Variants in TSPEAR observed in about 807,000 individuals in gnomAD.
The protein encoded by TSPEAR is thrombospondin-type laminin G domain and EAR repeat-containing protein.
A neutral mutation model predicts 71.6 loss-of-function variants in TSPEAR; 69 were observed. The observed-to-expected ratio is 0.96, with a 90% CI of 0.79 to 1.18. The LOEUF is 1.18. Ranked by LOEUF, TSPEAR falls within the 50% of genes most tolerant of loss-of-function variation. TSPEAR has a pLI of 0.00. For missense variants in TSPEAR, 971 were observed against 894.9 expected (o/e 1.09, Z -1.09); for synonymous variants, 402 against 387.2 (o/e 1.04, Z -0.45).
At chr21:44,689,352 A>C (rs1555949393) in intron 1 of TSPEAR, among the ~76,000 whole-genome samples, 1 of 151,870 alleles carries the variant, frequency 6.6e-6, no homozygotes, top group East Asian at 2.0e-4. Context: ...AATACAAAAA[A>C]TTAGCCAGGC....
chr21:44,693,512 G>T (rs1987203846), intron 1 of TSPEAR, among the ~76,000 whole-genome samples: 1 of 152,142 alleles, frequency 6.6e-6, no homozygotes, highest in Non-Finnish European at 1.5e-5. Context: ...GCAAAAGATT[G>T]AGTAGACATT....
chr21:44,627,651 T>C, intron 1 of TSPEAR: 16 of 1,602,342 alleles, frequency 1.0e-5, no homozygotes, highest in Non-Finnish European at 1.4e-5. Flanking sequence ...AGGATTCCTA[T>C]TCATGCTGCC....
intron 9 of TSPEAR, chr21:44,517,881 A>C: frequency 2.1e-6 from 1 of 471,104 alleles, no homozygotes; most frequent in Non-Finnish European, 4.4e-6. Context: ...GCGCCCTTTC[A>C]GTCTGATGAG....
chr21:44,631,521 G>A (rs782297277), intron 1 of TSPEAR, among the ~76,000 whole-genome samples: 1 of 152,030 alleles, frequency 6.6e-6, no homozygotes. Context: ...GTTTGAGAAC[G>A]GCCTGGGGCA....
At chr21:44,676,124 G>C in intron 1 of TSPEAR, 3 of 902,204 alleles carry the variant, frequency 3.3e-6, no homozygotes, top group Non-Finnish European at 3.8e-6. Context: ...AGCTTCAGTT[G>C]CTGAGGCGGG....
intron 1 of TSPEAR, among the ~76,000 whole-genome samples, chr21:44,572,294 C>T (rs1433179050): frequency 1.3e-5 from 2 of 152,158 alleles, no homozygotes; most frequent in Admixed American, 6.5e-5. Flanking sequence ...TGAGCAGGAC[C>T]CACCGGAAGT....
chr21:44,703,328 C>T (rs1037456347), intron 1 of TSPEAR, among the ~76,000 whole-genome samples: 5 of 152,362 alleles, frequency 3.3e-5, no homozygotes, highest in Non-Finnish European at 5.9e-5. Context: ...CACCTCCAGG[C>T]AGCTCTCAGG....
At chr21:44,544,798 TG>T (rs1555917577) in intron 2 of TSPEAR, among the ~76,000 whole-genome samples, 2 of 152,090 alleles carry the variant, frequency 1.3e-5, no homozygotes, top group African/African-American at 4.8e-5. Context: ...AGGAAGCCAC[TG>T]TCATGCAGAA....
Position 44,531,059 on chromosome 21 carries a change from G to A in TSPEAR, c.617C>T (p.Ala206Val), listed in dbSNP as rs1173527046. Residue 206 changes from alanine to valine, a missense_variant, in exon 4 of 12, where the codon GCC becomes GTC. Coordinates refer to ENST00000323084, the MANE Select transcript of TSPEAR (RefSeq NM_144991.3). ...ARFFVGSRRR[A>V]KGLFMGLVRQ... The stretch of plus-strand genomic sequence containing the variant: ...CATACTCGCCATGAACAGGCCTTTG[G>A]CTCTCCTCCGGCTGCCGACGAAGAA... 1 of 1,613,590 alleles carries A rather than the reference G, an allele frequency of 6.2e-7. No homozygotes were observed. The highest frequency in any genetic ancestry group is 1.7e-5 in the Admixed American group (1 of 60,022).
At chr21:44,661,949 A>T (rs914315188) in intron 1 of TSPEAR, among the ~76,000 whole-genome samples, 3 of 152,204 alleles carry the variant, frequency 2.0e-5, no homozygotes, top group African/African-American at 7.2e-5. Context: ...TCAACATGAG[A>T]TTTGGGCGGG....
chr21:44,689,702 G>GA (rs1987027555), intron 1 of TSPEAR, among the ~76,000 whole-genome samples: 1 of 44,926 alleles, frequency 2.2e-5, no homozygotes, highest in Non-Finnish European at 4.1e-5. Flanking sequence ...TAGAGGGACA[G>GA]AATAGAATGA....
intron 1 of TSPEAR, among the ~76,000 whole-genome samples, chr21:44,597,230 T>C (rs2146137694): frequency 1.3e-5 from 2 of 152,246 alleles, no homozygotes; most frequent in South Asian, 4.1e-4. Context: ...ATTAGATACA[T>C]GCAGATTTAG....
Position 44,612,703 on chromosome 21 carries a change from C to T in TSPEAR, c.83-44698G>A, listed in dbSNP as rs782558529. Reference sequence around the variant, plus strand: ...GCCAGCCGGCTTGCTGCACCACCTCCTGCTGCAGACCCTCCTCCTCCGTGT... The same window carrying T: ...GCCAGCCGGCTTGCTGCACCACCTCTTGCTGCAGACCCTCCTCCTCCGTGT... On this transcript the variant is annotated intron_variant, in intron 1 of 11. Coordinates refer to ENST00000323084, the MANE Select transcript of TSPEAR (RefSeq NM_144991.3). The surrounding 1 kb of genome is among the most constrained non-coding windows in gnomAD (Gnocchi z 4.1). The T allele has an allele frequency of 4.3e-6, 7 of 1,613,992 alleles. No homozygotes were observed. The Admixed American group carries it at 1.2e-4, about 27-fold the overall frequency.
intron 1 of TSPEAR, chr21:44,627,664 C>T (rs1601503322): frequency 6.2e-7 from 1 of 1,613,782 alleles, no homozygotes; most frequent in Non-Finnish European, 8.5e-7. Context: ...ATGCTGCCAA[C>T]AGTCTAGCTG....
At chr21:44,588,600 G>A (rs1171838823) in intron 1 of TSPEAR, among the ~76,000 whole-genome samples, 5 of 150,896 alleles carry the variant, frequency 3.3e-5, no homozygotes, top group African/African-American at 7.3e-5. Flanking sequence ...AGCACAATTC[G>A]CAATTGCAAA....
chr21:44,549,713 G>A (rs587773989), intron 2 of TSPEAR, among the ~76,000 whole-genome samples: 6 of 152,356 alleles, frequency 3.9e-5, no homozygotes, highest in African/African-American at 1.4e-4. Context: ...GGACCTGTGC[G>A]TCCACGTGTT....
chr21:44,645,261 A>T (rs587597006), intron 1 of TSPEAR, among the ~76,000 whole-genome samples: 15 of 152,294 alleles, frequency 9.8e-5, no homozygotes, highest in Non-Finnish European at 2.2e-4. Context: ...GGCATGGAAG[A>T]GCTGAAGAGA....
At chr21:44,700,247 C>T (rs1343990907) in intron 1 of TSPEAR, among the ~76,000 whole-genome samples, 2 of 152,208 alleles carry the variant, frequency 1.3e-5, no homozygotes, top group Non-Finnish European at 2.9e-5. Flanking sequence ...GTTCCACCAC[C>T]AGGAAGGCTG....
At position 44,690,194 on chromosome 21, in the gene TSPEAR, A is replaced by G. The variant is rs529704825; in HGVS notation, c.82+21239T>C. On this transcript the variant is annotated intron_variant, in intron 1 of 11. Coordinates refer to ENST00000323084, the MANE Select transcript of TSPEAR (RefSeq NM_144991.3). ...GAGATAAAAAAGAAATGAGGAAAAA[A>G]TACCATAAATGACTGATCTAGTGAA... 5.9e-5 allele frequency among the ~76,000 whole-genome samples: 9 copies of G among 152,374 alleles called. No homozygotes were observed. In the South Asian group the frequency reaches 1.4e-3, roughly 25 times the overall value.
Sources: gnomAD v4.1 joint callset for allele counts (sites outside exome capture counted in the v4.1 genomes callset) on GRCh38, gnomAD v4.1.1 for gene constraint, Gnocchi (gnomAD v3.1) non-coding constraint, MANE v1.5 for transcripts, NCBI Gene and HGNC (gene_info 2026-07-23, HGNC 2026-07-21) for gene names.